Variants in ATOSA observed in about 807,000 individuals in gnomAD.
ATOSA encodes the protein atos homolog protein A.
the ATOSA span, among the ~76,000 whole-genome samples, chr15:52,668,309 A>T: frequency 6.6e-6 from 1 of 152,226 alleles, no homozygotes; most frequent in Non-Finnish European, 1.5e-5. Flanking sequence ...AGACACAGAA[A>T]GACACATACT....
At chr15:52,653,821 T>C in the ATOSA span, among the ~76,000 whole-genome samples, 1 of 152,206 alleles carries the variant, frequency 6.6e-6, no homozygotes, top group Admixed American at 6.5e-5. Context: ...GTAGGTACTA[T>C]GTCTACTTAA....
the ATOSA span, chr15:52,611,272 G>C: frequency 6.2e-7 from 1 of 1,608,466 alleles, no homozygotes. Flanking sequence ...AAGTAACAAA[G>C]CATAATTTAA....
the ATOSA span, among the ~76,000 whole-genome samples, chr15:52,637,366 T>C: frequency 5.3e-5 from 8 of 152,270 alleles, no homozygotes; most frequent in South Asian, 8.3e-4. Context: ...GATACATACA[T>C]GTAGCATTCA....
the ATOSA span, among the ~76,000 whole-genome samples, chr15:52,703,972 G>C: frequency 1.3e-5 from 2 of 152,048 alleles, no homozygotes; most frequent in East Asian, 3.9e-4. Context: ...ATACTATTAA[G>C]AGAAAAAAGG....
At chr15:52,650,433 A>G in the ATOSA span, among the ~76,000 whole-genome samples, 1 of 152,210 alleles carries the variant, frequency 6.6e-6, no homozygotes, top group Non-Finnish European at 1.5e-5. Flanking sequence ...GGTCTACGTA[A>G]AACATTTTTT....
chr15:52,676,224 G>A, the ATOSA span, among the ~76,000 whole-genome samples: 1 of 151,992 alleles, frequency 6.6e-6, no homozygotes, highest in East Asian at 1.9e-4. Flanking sequence ...CATTTATATA[G>A]GATAGTTCTT....
At chr15:52,624,296 G>C in the ATOSA span, among the ~76,000 whole-genome samples, 1 of 152,108 alleles carries the variant, frequency 6.6e-6, no homozygotes, top group South Asian at 2.1e-4. Flanking sequence ...CCAACCCAAA[G>C]CTTTCTGGAC....
At chr15:52,639,689 G>A in the ATOSA span, among the ~76,000 whole-genome samples, 1 of 152,140 alleles carries the variant, frequency 6.6e-6, no homozygotes, top group South Asian at 2.1e-4. Flanking sequence ...TTTTAACACT[G>A]TTATAATGCT....
chr15:52,694,260 G>C, the ATOSA span, among the ~76,000 whole-genome samples: 1 of 151,248 alleles, frequency 6.6e-6, no homozygotes, highest in African/African-American at 2.4e-5. Context: ...TCCTCCTCAT[G>C]GGTTCAAATG....
chr15:52,608,803 G>A, the ATOSA span: 13 of 1,602,760 alleles, frequency 8.1e-6, no homozygotes, highest in Non-Finnish European at 1.1e-5. Flanking sequence ...GTCTTTATTT[G>A]AGGACATGCT....
chr15:52,594,258 T>A, the ATOSA span, among the ~76,000 whole-genome samples: 1 of 152,174 alleles, frequency 6.6e-6, no homozygotes, highest in African/African-American at 2.4e-5. Flanking sequence ...GTATGTGATA[T>A]GTTTTAGTTT....
chr15:52,702,943 C>T, the ATOSA span, among the ~76,000 whole-genome samples: 6 of 152,202 alleles, frequency 3.9e-5, no homozygotes, highest in South Asian at 2.1e-4. Flanking sequence ...GTCCACACAA[C>T]GACTTGTACA....
chr15:52,709,116 G>A, the ATOSA span, among the ~76,000 whole-genome samples: 1 of 152,116 alleles, frequency 6.6e-6, no homozygotes, highest in African/African-American at 2.4e-5. Context: ...GATGAACCTA[G>A]GCAGACCAAA....
chr15:52,706,083 G>T, the ATOSA span, among the ~76,000 whole-genome samples: 1 of 152,132 alleles, frequency 6.6e-6, no homozygotes, highest in African/African-American at 2.4e-5. Context: ...CATGCAAAAG[G>T]AATGGGTTAG....
chr15:52,600,284 T>G, the ATOSA span: 1 of 1,209,074 alleles, frequency 8.3e-7, no homozygotes, highest in Non-Finnish European at 1.2e-6. Context: ...ACAATACTTT[T>G]TTTTTTAATC....
chr15:52,666,148 T>G, the ATOSA span, among the ~76,000 whole-genome samples: 5 of 152,188 alleles, frequency 3.3e-5, no homozygotes, highest in Non-Finnish European at 5.9e-5. Flanking sequence ...GACAGACTCA[T>G]ATTACTAGTG....
At chr15:52,674,813 T>C in the ATOSA span, among the ~76,000 whole-genome samples, 2 of 151,590 alleles carry the variant, frequency 1.3e-5, no homozygotes, top group Non-Finnish European at 2.9e-5. Context: ...AATGCTTATA[T>C]ATAAGCTTAT....
chr15:52,678,289 G>C, the ATOSA span: 2 of 596,208 alleles, frequency 3.4e-6, no homozygotes, highest in Non-Finnish European at 6.0e-6. Flanking sequence ...ATCTCCTCCG[G>C]ATCGAGCACC....
chr15:52,603,200 A>G, the ATOSA span, among the ~76,000 whole-genome samples: 3 of 152,336 alleles, frequency 2.0e-5, no homozygotes, highest in African/African-American at 7.2e-5. Flanking sequence ...AAAAGACAAT[A>G]TGCAAATGGC....
Sources: allele counts gnomAD v4.1 joint callset (sites outside exome capture counted in the v4.1 genomes callset), GRCh38; gene constraint gnomAD v4.1.1; transcripts MANE v1.5; gene names NCBI Gene and HGNC (gene_info 2026-07-23, HGNC 2026-07-21).